CISD1: variants seen among roughly 807,000 people sequenced by gnomAD.
The protein encoded by CISD1 is CDGSH iron-sulfur domain-containing protein 1.
CISD1 carries 8 observed loss-of-function variants against 12.0 expected under a neutral mutation model. The ratio of observed to expected loss-of-function variants is 0.67; its 90% CI spans 0.39 to 1.20. CISD1 has a LOEUF of 1.20. CISD1 is among the 50% of genes most tolerant of loss of function. The pLI, the probability that CISD1 is intolerant of heterozygous loss-of-function variation, is 0.01. For missense variants in CISD1, 107 were observed against 132.7 expected (o/e 0.81, Z 0.95); for synonymous variants, 38 against 42.2 (o/e 0.90, Z 0.39).
At chr10:58,283,000 T>TA (rs1839389743) in intron 2 of CISD1, 1 of 152,196 alleles carries the variant, frequency 6.6e-6, no homozygotes, top group African/African-American at 2.4e-5. Flanking sequence ...AGGAAAGTCT[T>TA]ACCAGTTAAC....
At chr10:58,276,732 T>G (rs1273841280) in intron 1 of CISD1, among the ~76,000 whole-genome samples, 1 of 149,070 alleles carries the variant, frequency 6.7e-6, no homozygotes, top group African/African-American at 2.5e-5. Flanking sequence ...TAATCTGAAT[T>G]TTTATGTTTC....
chr10:58,287,683 C>T lies in CISD1; in HGVS notation c.*33C>T, dbSNP rs375497740. On this transcript the variant is annotated 3_prime_UTR_variant, in exon 3 of 3. Coordinates refer to ENST00000333926, the MANE Select transcript of CISD1 (RefSeq NM_018464.5). ...CTTTTGATGCTGCAAATCAGCTTGT[C>T]GTGAAGTTACCTGATTGTTTAATTA... The T allele has an allele frequency of 1.1e-4, 148 of 1,406,750 alleles. No individual in the cohort carries two copies. The highest frequency in any genetic ancestry group is 4.5e-4 in the South Asian group (37 of 81,388). The allele number at this position is 1,406,750 out of a possible 1,614,324, so 87.1% of individuals were successfully genotyped here.
chr10:58,274,086 T>C (rs1295658853), intron 1 of CISD1, among the ~76,000 whole-genome samples: 1 of 152,068 alleles, frequency 6.6e-6, no homozygotes, highest in East Asian at 1.9e-4. Context: ...TGAGCTGAGA[T>C]TGTGCCATTG....
chr10:58,277,242 A>G lies in CISD1; in HGVS notation c.157A>G (p.Asn53Asp), dbSNP rs1462639697. Residue 53 changes from asparagine (N) to aspartate (D), a missense_variant, in exon 2 of 3, where the codon AAC (asparagine) becomes GAC (aspartate). Coordinates refer to ENST00000333926, the MANE Select transcript of CISD1 (RefSeq NM_018464.5). ...AMINLHIQKDNPKIVHAFDME... is the reference protein window; with the variant it reads ...AMINLHIQKDDPKIVHAFDME... The stretch of plus-strand genomic sequence containing the variant: ...GATAAACCTTCACATCCAGAAAGAC[A>G]ACCCCAAGATAGTACATGCTTTTGA... The G allele has an allele frequency of 1.2e-5, 19 of 1,613,322 alleles. No individual in the cohort carries two copies. The highest frequency in any genetic ancestry group is 2.2e-5 in the East Asian group (1 of 44,844).
Position 58,277,160 on chromosome 10 carries a change from A to G in CISD1, c.75A>G (p.Ala25=), listed in dbSNP as rs1839324328. 2 of 1,612,382 alleles carry G rather than the reference A, an allele frequency of 1.2e-6. No homozygotes were observed. Among genetic ancestry groups the G allele is most frequent in the Non-Finnish European group, 1.7e-6 (2 of 1,179,168 alleles). Residue 25 remains alanine, a synonymous_variant, in exon 2 of 3, where the codon GCA becomes GCG. Transcript: ENST00000333926. ...TTACCATTGCTGCTGGGACAGCTGC[A>G]ATTGGTTATCTAGCTTACAAAAGAT... The part of the protein sequence containing the change: ...AAVTIAAGTA[A]IGYLAYKRFY...
intron 2 of CISD1, among the ~76,000 whole-genome samples, chr10:58,287,076 A>G (rs371755927): frequency 3.3e-5 from 5 of 152,226 alleles, no homozygotes; most frequent in African/African-American, 9.6e-5. Context: ...ACTCGCCACC[A>G]TGCCTGGCTA....
chr10:58,271,257 CT>C (rs1839245399), intron 1 of CISD1, among the ~76,000 whole-genome samples: 1 of 30 alleles, frequency 0.033, no homozygotes, highest in Admixed American at 0.083. Context: ...GCCGGGATGG[CT>C]CTCGATCTCC....
intron 1 of CISD1, among the ~76,000 whole-genome samples, chr10:58,270,433 TTTG>T (rs1839232773): frequency 6.6e-6 from 1 of 152,234 alleles, no homozygotes; most frequent in Non-Finnish European, 1.5e-5. Context: ...GGGTGTGATT[TTTG>T]TTTTTGTTTT....
intron 2 of CISD1, among the ~76,000 whole-genome samples, chr10:58,278,435 G>A (rs930935576): frequency 2.6e-5 from 4 of 152,118 alleles, no homozygotes; most frequent in Non-Finnish European, 4.4e-5. Flanking sequence ...GCTGAAGCAG[G>A]AAGATCACTT....
chr10:58,284,463 A>T (rs1839406952), intron 2 of CISD1, among the ~76,000 whole-genome samples: 1 of 152,198 alleles, frequency 6.6e-6, no homozygotes, highest in Admixed American at 6.5e-5. Context: ...GCACAAAATT[A>T]TTTTTAACAC....
Position 58,269,207 on chromosome 10 carries a change from C to T in CISD1, c.-67C>T. The T allele has an allele frequency of 2.6e-6, 4 of 1,553,422 alleles. No individual in the cohort carries two copies. The highest frequency in any genetic ancestry group is 3.5e-6 in the Non-Finnish European group (4 of 1,136,888). On this transcript the variant is annotated 5_prime_UTR_variant, in exon 1 of 3. Coordinates refer to ENST00000333926, the MANE Select transcript of CISD1 (RefSeq NM_018464.5). The stretch of plus-strand genomic sequence containing the variant: ...TTAGTACGCCGCTGGCACCTTTACT[C>T]TCGCCGGCCGCGCGAACCCGTTTGA...
At chr10:58,281,448 C>T (rs1055101877) in intron 2 of CISD1, among the ~76,000 whole-genome samples, 2 of 152,274 alleles carry the variant, frequency 1.3e-5, no homozygotes, top group East Asian at 3.9e-4. Context: ...ATTTTCATTG[C>T]ATCTTGGGCA....
chr10:58,270,320 C>G lies in CISD1; in HGVS notation c.31+1016C>G, dbSNP rs11006101. Among the ~76,000 whole-genome samples, 8 of 152,076 alleles carry G rather than the reference C, an allele frequency of 5.3e-5. No homozygotes were observed. In the East Asian group the frequency reaches 1.5e-3, roughly 29 times the overall value. On this transcript the variant is annotated intron_variant, in intron 1 of 2. Coordinates refer to ENST00000333926, the MANE Select transcript of CISD1 (RefSeq NM_018464.5). ...CTAAGGGTGATATTCCATGACATTTCGAAGTTACTAATGATATAGAGATTA... is the reference window on the plus strand; with the variant it reads ...CTAAGGGTGATATTCCATGACATTTGGAAGTTACTAATGATATAGAGATTA...
chr10:58,277,291 C>T lies in CISD1; in HGVS notation c.206C>T (p.Ala69Val), dbSNP rs769192686. The T allele has an allele frequency of 6.2e-7, 1 of 1,604,062 alleles. No homozygotes were observed. The highest frequency in any genetic ancestry group is 8.5e-7 in the Non-Finnish European group (1 of 1,175,612). The change falls in exon 2 of 3, where the codon GCT (alanine) becomes GTT (valine). Residue 69 changes from alanine (A) to valine (V), a missense_variant. Transcript: ENST00000333926. ...GACATGGAGGATTTGGGAGATAAAGCTGTGTACTGCCGTTGTTGGAGGTCC... is the reference window on the plus strand; with the variant it reads ...GACATGGAGGATTTGGGAGATAAAGTTGTGTACTGCCGTTGTTGGAGGTCC... ...AFDMEDLGDK[A>V]VYCRCWRSKK...
chr10:58,278,359 C>A (rs552953851), intron 2 of CISD1, among the ~76,000 whole-genome samples: 6 of 151,998 alleles, frequency 3.9e-5, no homozygotes, highest in African/African-American at 1.2e-4. Context: ...CATAGTGAGA[C>A]CATCTGTTGA....
chr10:58,280,720 A>G (rs1839364629), intron 2 of CISD1, among the ~76,000 whole-genome samples: 1 of 152,232 alleles, frequency 6.6e-6, no homozygotes, highest in Non-Finnish European at 1.5e-5. Flanking sequence ...AAGGGGGACA[A>G]GAGCCATTTA....
At chr10:58,287,505 G>T (rs1588983764) in intron 2 of CISD1, 56 bp from the exon 3 acceptor site, 2 of 1,283,316 alleles carry the variant, frequency 1.6e-6, no homozygotes, top group East Asian at 2.4e-5. Flanking sequence ...CCACTCTGCC[G>T]AGCATAATAC....
At chr10:58,284,681 T>A (rs1550773) in intron 2 of CISD1, among the ~76,000 whole-genome samples, 52,360 of 152,036 alleles carry the variant, frequency 0.34, 11,524 homozygotes, top group African/African-American at 0.63. Context: ...TGACTTTCTT[T>A]ATATTTTGTA....
chr10:58,269,256 C>G lies in CISD1; in HGVS notation c.-18C>G, dbSNP rs1335766857. 1.1e-5 allele frequency: 18 copies of G among 1,607,668 alleles called. No individual in the cohort carries two copies. Among genetic ancestry groups the G allele is most frequent in the South Asian group, 3.3e-5 (3 of 91,054 alleles). ...GAGCTCGGTATCCTAGTGCACACGC[C>G]TTGCAAGCGACGGCGCCATGAGTCT... On this transcript the variant is annotated 5_prime_UTR_variant, in exon 1 of 3. Transcript: ENST00000333926.
Sources: allele counts gnomAD v4.1 joint callset (sites outside exome capture counted in the v4.1 genomes callset), GRCh38; gene constraint gnomAD v4.1.1; transcripts MANE v1.5; gene names NCBI Gene and HGNC (gene_info 2026-07-23, HGNC 2026-07-21).